TENM3: variants seen among roughly 807,000 people sequenced by gnomAD.
TENM3 encodes teneurin-3.
A neutral mutation model predicts 255.1 loss-of-function variants in TENM3; 63 were observed. The observed-to-expected ratio is 0.25, with a 90% CI of 0.20 to 0.30. The LOEUF is 0.30. Among genes scored for constraint, TENM3 ranks in the 10% least tolerant of loss-of-function variants. The pLI, the probability that TENM3 is intolerant of heterozygous loss-of-function variation, is 1.00. For synonymous variants in TENM3, 1,306 were observed against 1,322.3 expected, an observed-to-expected ratio of 0.99 and a Z score of 0.27; for missense variants, 2,929 against 3,461.1, an observed-to-expected ratio of 0.85 and a Z score of 3.86.
chr4:181,857,845 C>T, the TENM3 span, among the ~76,000 whole-genome samples: 14 of 152,174 alleles, frequency 9.2e-5, no homozygotes, highest in African/African-American at 3.4e-4. Context: ...AGAGGAGTGG[C>T]ATGGCCTGAC....
chr4:181,649,717 T>G, the TENM3 span, among the ~76,000 whole-genome samples: 1 of 152,248 alleles, frequency 6.6e-6, no homozygotes, highest in African/African-American at 2.4e-5. Flanking sequence ...GTGAAAAATG[T>G]ATTTCGGTAC....
the TENM3 span, among the ~76,000 whole-genome samples, chr4:182,018,573 G>A: frequency 2.0e-5 from 3 of 152,108 alleles, no homozygotes; most frequent in Non-Finnish European, 1.5e-5. Context: ...TTTGTATAAT[G>A]AGAATAATAA....
the TENM3 span, among the ~76,000 whole-genome samples, chr4:182,065,462 G>A: frequency 7.8e-4 from 119 of 152,350 alleles, no homozygotes; most frequent in Middle Eastern, 3.4e-3. Flanking sequence ...GAGCACGCGC[G>A]TCACGTGGCT....
chr4:182,055,241 G>A, the TENM3 span, among the ~76,000 whole-genome samples: 1 of 152,044 alleles, frequency 6.6e-6, no homozygotes, highest in African/African-American at 2.4e-5. Flanking sequence ...CAGCTACTCA[G>A]GAGGCTAAGG....
chr4:182,110,956 G>C, the TENM3 span, among the ~76,000 whole-genome samples: 1 of 152,126 alleles, frequency 6.6e-6, no homozygotes, highest in Non-Finnish European at 1.5e-5. Flanking sequence ...ACAATTTCAG[G>C]ACAGTTTAAC....
At chr4:181,842,014 A>G in the TENM3 span, among the ~76,000 whole-genome samples, 1 of 152,080 alleles carries the variant, frequency 6.6e-6, no homozygotes, top group African/African-American at 2.4e-5. Context: ...CATATTTCAC[A>G]TATCTATATA....
intron 2 of TENM3, among the ~76,000 whole-genome samples, chr4:182,324,909 G>A (rs1009069854): frequency 6.6e-6 from 1 of 152,100 alleles, no homozygotes; most frequent in African/African-American, 2.4e-5. Context: ...TTTGGCCTGA[G>A]GATGCTCCCA....
intron 1 of TENM3, among the ~76,000 whole-genome samples, chr4:182,315,549 A>G (rs968204462): frequency 2.6e-5 from 4 of 152,188 alleles, no homozygotes; most frequent in African/African-American, 4.8e-5. Context: ...GCAGTTAAAC[A>G]TAACCAAATG....
chr4:182,670,981 T>C (rs1057064301), intron 6 of TENM3, among the ~76,000 whole-genome samples: 1 of 152,146 alleles, frequency 6.6e-6, no homozygotes, highest in Non-Finnish European at 1.5e-5. Flanking sequence ...GTAATAACAC[T>C]CTTGATAGAG....
intron 4 of TENM3, among the ~76,000 whole-genome samples, chr4:182,623,252 A>G (rs1233043339): frequency 6.6e-6 from 1 of 151,714 alleles, no homozygotes; most frequent in East Asian, 1.9e-4. Flanking sequence ...TGACCTTGTG[A>G]TCCACCTGTC....
At chr4:181,615,705 A>G in the TENM3 span, among the ~76,000 whole-genome samples, 1 of 152,182 alleles carries the variant, frequency 6.6e-6, no homozygotes, top group Admixed American at 6.5e-5. Context: ...AAAATACAGT[A>G]TTAATTCTGC....
chr4:181,633,831 C>A, the TENM3 span, among the ~76,000 whole-genome samples: 1 of 152,214 alleles, frequency 6.6e-6, no homozygotes, highest in African/African-American at 2.4e-5. Context: ...CCCCACACAA[C>A]CAGGACACTA....
the TENM3 span, among the ~76,000 whole-genome samples, chr4:181,883,619 C>T: frequency 3.3e-5 from 5 of 152,018 alleles, no homozygotes; most frequent in Admixed American, 6.6e-5. Context: ...GGACTACAGG[C>T]GCCCGCCACC....
At chr4:182,189,267 T>C (rs1036816087) in intron 1 of TENM3, among the ~76,000 whole-genome samples, 1 of 152,102 alleles carries the variant, frequency 6.6e-6, no homozygotes, top group Non-Finnish European at 1.5e-5. Flanking sequence ...CAGTGAGATT[T>C]TTCTGGATTA....
chr4:181,508,735 T>A, the TENM3 span, among the ~76,000 whole-genome samples: 1 of 152,094 alleles, frequency 6.6e-6, no homozygotes, highest in Non-Finnish European at 1.5e-5. Context: ...ACTTTTGCCA[T>A]GTTGAATGTA....
intron 1 of TENM3, chr4:182,169,387 C>G: frequency 2.2e-6 from 1 of 449,486 alleles, no homozygotes; most frequent in Non-Finnish European, 4.5e-6. Context: ...CCCAAAAATT[C>G]AAGTAAAAAT....
At chr4:182,075,561 AT>A in the TENM3 span, among the ~76,000 whole-genome samples, 1 of 152,134 alleles carries the variant, frequency 6.6e-6, no homozygotes, top group Non-Finnish European at 1.5e-5. Flanking sequence ...CTGTAGGCTA[AT>A]TTGCTCTCAA....
the TENM3 span, among the ~76,000 whole-genome samples, chr4:181,655,476 G>A: frequency 1.1e-3 from 171 of 151,418 alleles, 1 homozygote; most frequent in African/African-American, 1.9e-3. Context: ...GGCAATGGGG[G>A]AAACAACTGT....
chr4:181,572,730 G>A, the TENM3 span, among the ~76,000 whole-genome samples: 4 of 152,300 alleles, frequency 2.6e-5, no homozygotes, highest in African/African-American at 2.4e-5. Context: ...TCATTTCTTT[G>A]TGTTACACAC....
Sources: allele counts gnomAD v4.1 joint callset (sites outside exome capture counted in the v4.1 genomes callset), GRCh38; gene constraint gnomAD v4.1.1; transcripts MANE v1.5; gene names NCBI Gene and HGNC (gene_info 2026-07-23, HGNC 2026-07-21).